LRRC7: variants seen among roughly 807,000 people sequenced by gnomAD.
LRRC7 encodes the protein leucine-rich repeat-containing protein 7.
In LRRC7, 23 loss-of-function variants were observed where a neutral mutation model predicts 175.7. The observed-to-expected ratio is 0.13, with a 90% CI of 0.09 to 0.19. The LOEUF (loss-of-function observed/expected upper bound fraction) is 0.19. Ranked by LOEUF, LRRC7 falls within the 10% of genes least tolerant of loss-of-function variation. LRRC7 has a pLI of 1.00. For synonymous variants in LRRC7, 685 were observed against 680.9 expected (o/e 1.01, Z -0.09); for missense variants, 1,354 against 1,904.7 (o/e 0.71, Z 5.38).
At chr1:69,702,474 G>A (rs754299457) in intron 2 of LRRC7, among the ~76,000 whole-genome samples, 10 of 152,080 alleles carry the variant, frequency 6.6e-5, no homozygotes, top group Non-Finnish European at 1.0e-4. Context: ...ATCATTGACC[G>A]CAAAATGATT....
At chr1:69,855,645 C>G (rs1017119042) in intron 7 of LRRC7, among the ~76,000 whole-genome samples, 56 of 152,010 alleles carry the variant, frequency 3.7e-4, no homozygotes, top group African/African-American at 1.3e-3. Context: ...ATTAGGTCTG[C>G]TTGGTGCGGA....
chr1:69,918,717 G>T (rs1338777401), intron 7 of LRRC7, among the ~76,000 whole-genome samples: 1 of 152,088 alleles, frequency 6.6e-6, no homozygotes, highest in African/African-American at 2.4e-5. Flanking sequence ...AACTTCAAAA[G>T]TGGAAAATGT....
chr1:70,079,702 G>A (rs1355777209), intron 24 of LRRC7, among the ~76,000 whole-genome samples: 7 of 152,276 alleles, frequency 4.6e-5, no homozygotes, highest in East Asian at 3.9e-4. Context: ...TCACACACAG[G>A]TCTGGCATCA....
At chr1:69,636,835 A>C (rs1194265459) in intron 1 of LRRC7, among the ~76,000 whole-genome samples, 2 of 152,022 alleles carry the variant, frequency 1.3e-5, no homozygotes, top group East Asian at 3.9e-4. Context: ...GTGTTAAACC[A>C]ACCATGCAGT....
rs1347725868 is a variant in LRRC7, at chr1:70,142,782, T to G, written c.*20895T>G. 1 of 152,094 alleles carries G rather than the reference T, an allele frequency of 6.6e-6. No individual in the cohort carries two copies. Among genetic ancestry groups the G allele is most frequent in the Non-Finnish European group, 1.5e-5 (1 of 67,974 alleles). 9.4% of individuals were successfully genotyped at this position (152,094 alleles called of 1,614,324 possible). On this transcript the variant is annotated 3_prime_UTR_variant, in exon 27 of 27. Transcript: ENST00000651989. ...AAAACCATAACATGAACTAGGGTCT[T>G]TCTATTCAAAAAAGAAATATTAAAC...
chr1:70,086,735 T>G (rs1028344951), intron 24 of LRRC7, among the ~76,000 whole-genome samples: 1 of 151,878 alleles, frequency 6.6e-6, no homozygotes, highest in African/African-American at 2.4e-5. Context: ...ACACCTTATC[T>G]CAAAAAAATA....
At chr1:69,949,375 C>A (rs975344296) in intron 8 of LRRC7, among the ~76,000 whole-genome samples, 2 of 152,064 alleles carry the variant, frequency 1.3e-5, no homozygotes, top group Admixed American at 6.6e-5. Flanking sequence ...AGTTTGTGAC[C>A]AGTCTGACCA....
At chr1:69,837,909 CA>C (rs781053627) in intron 6 of LRRC7, among the ~76,000 whole-genome samples, 1 of 150,888 alleles carries the variant, frequency 6.6e-6, no homozygotes. Context: ...GATAGTTTAC[CA>C]TAGTAAAATT....
intron 8 of LRRC7, among the ~76,000 whole-genome samples, chr1:69,954,705 GT>G (rs957464250): frequency 3.3e-5 from 5 of 151,250 alleles, no homozygotes; most frequent in Admixed American, 1.3e-4. Context: ...AAGAAAAACT[GT>G]TTTTTTAAGA....
chr1:69,757,851 G>T (rs1259743750), intron 2 of LRRC7, among the ~76,000 whole-genome samples: 1 of 151,648 alleles, frequency 6.6e-6, no homozygotes. Flanking sequence ...CTGGGGGTGG[G>T]TTAATGTGAC....
intron 8 of LRRC7, among the ~76,000 whole-genome samples, chr1:69,978,506 C>G (rs986449887): frequency 6.6e-6 from 1 of 152,202 alleles, no homozygotes; most frequent in Non-Finnish European, 1.5e-5. Flanking sequence ...TCCCTATGAT[C>G]TAAGTGACAG....
In LRRC7 at chr1:70,136,501, G is replaced by A. The variant is rs762875007; in HGVS notation, c.*14614G>A. 6.6e-6 allele frequency among the ~76,000 whole-genome samples: 1 copy of A among 151,882 alleles called. No individual in the cohort carries two copies. Among genetic ancestry groups the A allele is most frequent in the Non-Finnish European group, 1.5e-5 (1 of 68,012 alleles). On this transcript the variant is annotated 3_prime_UTR_variant, in exon 27 of 27. Transcript: ENST00000651989. ...TAATCAACAAATGTTAATGAACAAG[G>A]GGTTATGTTCAAAATTCTATTATAA...
intron 7 of LRRC7, among the ~76,000 whole-genome samples, chr1:69,863,572 A>G (rs1018969088): frequency 5.9e-5 from 9 of 152,226 alleles, no homozygotes; most frequent in Non-Finnish European, 1.3e-4. Context: ...CATAGGAAAT[A>G]TGGTAATGGA....
intron 7 of LRRC7, among the ~76,000 whole-genome samples, chr1:69,930,218 G>T (rs1373996597): frequency 1.3e-5 from 2 of 151,822 alleles, no homozygotes; most frequent in African/African-American, 2.4e-5. Flanking sequence ...TATCTGTTTT[G>T]TTCTCTGCCA....
At chr1:69,639,944 C>A (rs1290328222) in intron 1 of LRRC7, among the ~76,000 whole-genome samples, 2 of 151,620 alleles carry the variant, frequency 1.3e-5, no homozygotes, top group East Asian at 1.9e-4. Context: ...GCAGTTTGAA[C>A]CATAACTGTC....
In LRRC7 at chr1:69,809,899, A is replaced by G. The variant is rs536304588; in HGVS notation, c.422-15849A>G. On this transcript the variant is annotated intron_variant, in intron 4 of 26. Coordinates refer to ENST00000651989, the MANE Select transcript of LRRC7 (RefSeq NM_001370785.2). ...CCCTCTCTCACCACTCCTATTCAAC[A>G]TAGTATTGGAAGTTCTGGCCAGGGC... is the stretch of plus-strand genomic sequence containing the variant. 5.9e-5 allele frequency among the ~76,000 whole-genome samples: 9 copies of G among 152,316 alleles called. No homozygotes were observed. The East Asian group carries it at 1.5e-3, about 26-fold the overall frequency.
At chr1:69,736,861 A>G (rs181768638) in intron 2 of LRRC7, among the ~76,000 whole-genome samples, 58 of 152,202 alleles carry the variant, frequency 3.8e-4, no homozygotes, top group African/African-American at 1.3e-3. Context: ...TGCCTTTGAT[A>G]TTATTAGCCT....
intron 7 of LRRC7, among the ~76,000 whole-genome samples, chr1:69,863,773 T>C (rs1279713830): frequency 1.3e-5 from 2 of 152,150 alleles, no homozygotes; most frequent in African/African-American, 4.8e-5. Context: ...ATCAACTGTT[T>C]CTCTGCCTCC....
chr1:69,571,622 A>G (rs962926513), intron 1 of LRRC7, among the ~76,000 whole-genome samples: 3 of 152,190 alleles, frequency 2.0e-5, no homozygotes, highest in Non-Finnish European at 4.4e-5. Flanking sequence ...TCACAACTTT[A>G]AAACATTCAC....
Sources: gnomAD v4.1 joint callset for allele counts (sites outside exome capture counted in the v4.1 genomes callset) on GRCh38, gnomAD v4.1.1 for gene constraint, MANE v1.5 for transcripts, NCBI Gene and HGNC (gene_info 2026-07-23, HGNC 2026-07-21) for gene names.